Variants in DGKB observed in about 807,000 individuals in gnomAD.
The protein encoded by DGKB is diacylglycerol kinase beta, also known as 90 kDa diacylglycerol kinase.
Under a neutral mutation model 114.3 loss-of-function variants are expected in DGKB, and 67 were observed. That is an observed-to-expected ratio of 0.59 (90% confidence interval 0.48 to 0.72). The LOEUF (loss-of-function observed/expected upper bound fraction) is 0.72, where lower values mean the gene tolerates loss of function less well. Among genes scored for constraint, DGKB ranks in the 30% least tolerant of loss-of-function variants. DGKB has a pLI of 0.00. For missense variants in DGKB, 907 were observed against 975.2 expected (o/e 0.93, Z 0.93); for synonymous variants, 398 against 323.1 (o/e 1.23, Z -2.49).
At chr7:14,158,756 G>C (rs962725456) in intron 25 of DGKB, among the ~76,000 whole-genome samples, 5 of 152,084 alleles carry the variant, frequency 3.3e-5, no homozygotes, top group African/African-American at 7.2e-5. Flanking sequence ...GATTAGAGAG[G>C]AAACTGATTG....
intron 1 of DGKB, among the ~76,000 whole-genome samples, chr7:14,932,601 A>G (rs892928052): frequency 5.9e-5 from 9 of 152,202 alleles, no homozygotes; most frequent in African/African-American, 1.9e-4. Context: ...AATGCTTTCC[A>G]TATCAGGTAA....
At position 14,538,224 on chromosome 7, in the gene DGKB, G is replaced by T. The variant is rs73287762; in HGVS notation, c.1770+35988C>A. Among the ~76,000 whole-genome samples, 321 of 151,982 alleles carry T rather than the reference G, an allele frequency of 2.1e-3. 1 individual carries two copies. Among genetic ancestry groups the T allele is most frequent in the African/African-American group, 7.0e-3 (291 of 41,482 alleles). ...TTGCAAACCATGTATTTGAAAAGTG[G>T]TTAATTTCCAAAATATATAAGGAAC... On this transcript the variant is annotated intron_variant, in intron 20 of 25. Transcript: ENST00000402815.
chr7:14,777,764 C>T (rs931756003), intron 2 of DGKB, among the ~76,000 whole-genome samples: 1 of 152,142 alleles, frequency 6.6e-6, no homozygotes. Context: ...GAACATATTT[C>T]ATCTGAACCT....
At chr7:14,284,400 T>C (rs1196099278) in intron 23 of DGKB, among the ~76,000 whole-genome samples, 1 of 144,566 alleles carries the variant, frequency 6.9e-6, no homozygotes, top group Non-Finnish European at 1.5e-5. Context: ...GGAACACTTT[T>C]ACACTGTTGG....
chr7:14,626,517 T>A (rs111390281), intron 14 of DGKB, among the ~76,000 whole-genome samples: 43 of 152,296 alleles, frequency 2.8e-4, no homozygotes, highest in African/African-American at 8.4e-4. Flanking sequence ...TCACAGCAGT[T>A]AAGATCTCTC....
At chr7:14,384,929 G>T (rs1444952471) in intron 21 of DGKB, among the ~76,000 whole-genome samples, 5 of 152,032 alleles carry the variant, frequency 3.3e-5, no homozygotes, top group Non-Finnish European at 1.5e-5. Flanking sequence ...GAAACTCCAT[G>T]GTAAGTGAGA....
intron 1 of DGKB, among the ~76,000 whole-genome samples, chr7:14,893,914 T>C (rs1466745577): frequency 1.3e-5 from 2 of 151,332 alleles, no homozygotes; most frequent in African/African-American, 4.8e-5. Flanking sequence ...AATCCCAGTA[T>C]AGGATCTCCA....
chr7:14,517,678 A>T (rs1021087263), intron 20 of DGKB, among the ~76,000 whole-genome samples: 1 of 152,188 alleles, frequency 6.6e-6, no homozygotes, highest in Non-Finnish European at 1.5e-5. Context: ...GCAAAAGAAG[A>T]CATACACACA....
chr7:14,566,732 A>G (rs908144463), intron 20 of DGKB, among the ~76,000 whole-genome samples: 29 of 152,206 alleles, frequency 1.9e-4, no homozygotes, highest in African/African-American at 6.5e-4. Context: ...TCCATGCTCC[A>G]GGCACATTGA....
intron 20 of DGKB, among the ~76,000 whole-genome samples, chr7:14,487,182 C>T (rs28735297): frequency 2.5e-3 from 387 of 152,288 alleles, no homozygotes; most frequent in African/African-American, 8.7e-3. Context: ...CTTATTTCCT[C>T]TTCCACCACA....
At chr7:14,352,365 T>G (rs1442249147) in intron 21 of DGKB, among the ~76,000 whole-genome samples, 1 of 152,184 alleles carries the variant, frequency 6.6e-6, no homozygotes, top group Non-Finnish European at 1.5e-5. Context: ...TTTTGATGTA[T>G]AAGAATTTTC....
At chr7:14,531,102 C>T (rs1359954542) in intron 20 of DGKB, among the ~76,000 whole-genome samples, 1 of 151,518 alleles carries the variant, frequency 6.6e-6, no homozygotes, top group East Asian at 1.9e-4. Context: ...ATACACTTAT[C>T]TATTCCTTAA....
intron 1 of DGKB, among the ~76,000 whole-genome samples, chr7:14,919,007 G>C (rs1784375904): frequency 6.6e-6 from 1 of 151,014 alleles, no homozygotes; most frequent in Non-Finnish European, 1.5e-5. Context: ...AGGTTCCAGT[G>C]AGCTGTCATG....
chr7:14,701,821 A>T, intron 6 of DGKB, 91 bp from the exon 7 acceptor site: 1 of 850,622 alleles, frequency 1.2e-6, no homozygotes, highest in Non-Finnish European at 2.0e-6. Context: ...GTTTGTGTTG[A>T]AAACAAATAC....
Position 14,772,945 on chromosome 7 carries a change from C to T in DGKB, c.71-15214G>A, listed in dbSNP as rs186543740. On this transcript the variant is annotated intron_variant, in intron 2 of 25. Transcript: ENST00000402815. ...ACATCTTCCAGCTTTCTCTTTTCAC[C>T]GCTGTACCTCAATTGGGTTATCTTC... Among the ~76,000 whole-genome samples, 27 of 148,078 alleles carry T rather than the reference C, an allele frequency of 1.8e-4. No homozygotes were observed. The East Asian group carries it at 3.4e-3, about 19-fold the overall frequency.
chr7:14,226,764 A>G (rs1282771855), intron 23 of DGKB, among the ~76,000 whole-genome samples: 1 of 152,108 alleles, frequency 6.6e-6, no homozygotes, highest in Non-Finnish European at 1.5e-5. Flanking sequence ...ACATGAAATG[A>G]ATCAATTATA....
chr7:14,245,147 G>A (rs542760340), intron 23 of DGKB, among the ~76,000 whole-genome samples: 36 of 151,704 alleles, frequency 2.4e-4, no homozygotes, highest in African/African-American at 8.0e-4. Flanking sequence ...GTATATTAGG[G>A]AAATGTGCAT....
intron 1 of DGKB, among the ~76,000 whole-genome samples, chr7:14,967,889 G>T (rs10216312): frequency 1.4e-3 from 214 of 151,916 alleles, no homozygotes; most frequent in African/African-American, 4.8e-3. Context: ...TAGAGAGATT[G>T]AGAGAGAGAG....
intron 1 of DGKB, among the ~76,000 whole-genome samples, chr7:14,922,400 G>A (rs1202736392): frequency 1.3e-5 from 2 of 151,736 alleles, no homozygotes; most frequent in Non-Finnish European, 2.9e-5. Context: ...GTGTGTGTGT[G>A]TGTGTGTGTG....
Sources: gnomAD v4.1 joint callset for allele counts (sites outside exome capture counted in the v4.1 genomes callset) on GRCh38, gnomAD v4.1.1 for gene constraint, MANE v1.5 for transcripts, NCBI Gene and HGNC (gene_info 2026-07-23, HGNC 2026-07-21) for gene names.